TRIM36: variants seen among roughly 807,000 people sequenced by gnomAD.
TRIM36 encodes E3 ubiquitin-protein ligase TRIM36.
TRIM36 carries 42 observed loss-of-function variants against 72.4 expected under a neutral mutation model. That is an observed-to-expected ratio of 0.58 (90% CI 0.45 to 0.75). TRIM36 has a LOEUF of 0.75. TRIM36 is among the 30% of genes least tolerant of loss of function. The probability of loss-of-function intolerance (pLI) is 0.00; values close to 1 mark genes in which losing one functional copy is unlikely to be tolerated. For synonymous variants in TRIM36, 315 were observed against 282.8 expected (o/e 1.11, Z -1.14); for missense variants, 913 against 857.1 (o/e 1.07, Z -0.81).
intron 7 of TRIM36, among the ~76,000 whole-genome samples, chr5:115,136,315 C>G (rs1319283387): frequency 7.0e-6 from 1 of 143,526 alleles, no homozygotes; most frequent in Non-Finnish European, 1.5e-5. Context: ...CACAGAGGAC[C>G]ATGTGAAGAC....
intron 2 of TRIM36, among the ~76,000 whole-genome samples, chr5:115,152,447 T>A (rs1201803958): frequency 6.6e-6 from 1 of 152,190 alleles, no homozygotes; most frequent in African/African-American, 2.4e-5. Context: ...GAAAACATAT[T>A]TGGGGGAATA....
chr5:115,137,683 A>T, intron 5 of TRIM36, 67 bp from the exon 6 acceptor site: 2 of 1,467,984 alleles, frequency 1.4e-6, no homozygotes, highest in Non-Finnish European at 1.8e-6. Context: ...GCTAAACCCA[A>T]ATGGCTTTCC....
In TRIM36 at chr5:115,144,654, C is replaced by T; in HGVS notation, c.679G>A (p.Gly227Ser). Residue 227 changes from glycine (G) to serine (S), a missense_variant, in exon 4 of 10, where the codon GGT becomes AGT. Coordinates refer to ENST00000513154, the MANE Select transcript of TRIM36 (RefSeq NM_001300759.2). ...GTTACACGGTGGTTGGCATGATTAC[C>T]ACCCAACTTACACAGATGGCAAACT... ...RPVCHLCKLG[G>S]NHANHRVTTM... 1 of 1,614,096 alleles carries T rather than the reference C, an allele frequency of 6.2e-7. No homozygotes were observed. The highest frequency in any genetic ancestry group is 2.2e-5 in the East Asian group (1 of 44,854).
chr5:115,171,125 C>A, upstream of TRIM36: 7 of 1,614,246 alleles, frequency 4.3e-6, no homozygotes, highest in Non-Finnish European at 5.9e-6. Context: ...ATGCTTCCCA[C>A]TTTTATTTCC....
intron 4 of TRIM36, 85 bp downstream of exon 4, chr5:115,144,513 C>G: frequency 1.3e-6 from 2 of 1,529,422 alleles, no homozygotes; most frequent in East Asian, 2.3e-5. Flanking sequence ...GACCATATAA[C>G]ACACCATGAT....
intron 9 of TRIM36, among the ~76,000 whole-genome samples, chr5:115,128,260 T>A (rs1333260389): frequency 6.6e-6 from 1 of 151,120 alleles, no homozygotes; most frequent in African/African-American, 2.4e-5. Flanking sequence ...TCCCAGCTAG[T>A]CGGGAGGCTG....
Position 115,137,001 on chromosome 5 carries a change from A to G in TRIM36, c.1209T>C (p.Ser403=), listed in dbSNP as rs1752997312. The G allele has an allele frequency of 6.3e-7, 1 of 1,593,848 alleles. No homozygotes were observed. The highest frequency in any genetic ancestry group is 2.2e-5 in the East Asian group (1 of 44,620). ...GTTTTTGCCTTCATTAAGACTTACC[A>G]CTAGAGAAAAAGGATAATTCTCCAA... ...ELLGELSFFS[S]GIDVPEINEE... is the part of the protein sequence containing the mutation. Residue 403 remains serine (S), a splice_region_variant and synonymous_variant, in exon 7 of 10, where the codon AGT becomes AGC. Transcript: ENST00000513154.
intron 1 of TRIM36, 144 bp downstream of exon 1, chr5:115,169,464 G>A: frequency 2.2e-6 from 2 of 919,388 alleles, no homozygotes; most frequent in Non-Finnish European, 3.1e-6. Flanking sequence ...GGCGGGAGAA[G>A]GCGAAGAGGA....
chr5:115,157,410 A>G (rs1754233548), intron 2 of TRIM36, among the ~76,000 whole-genome samples: 1 of 152,122 alleles, frequency 6.6e-6, no homozygotes, highest in African/African-American at 2.4e-5. Flanking sequence ...GTAAAAATAG[A>G]AAAATTAGCC....
chr5:115,164,450 C>A (rs766608035), intron 1 of TRIM36, among the ~76,000 whole-genome samples: 6 of 152,162 alleles, frequency 3.9e-5, no homozygotes, highest in Non-Finnish European at 5.9e-5. Context: ...TTCCACATGG[C>A]TAGGGAGTCC....
chr5:115,139,242 T>C (rs1207899415), intron 5 of TRIM36, among the ~76,000 whole-genome samples: 6 of 151,916 alleles, frequency 3.9e-5, no homozygotes, highest in African/African-American at 1.5e-4. Context: ...TGCCTCAGCC[T>C]CCCGAGTAGC....
intron 2 of TRIM36, among the ~76,000 whole-genome samples, chr5:115,158,542 A>G (rs1385349997): frequency 6.6e-6 from 1 of 152,176 alleles, no homozygotes; most frequent in Non-Finnish European, 1.5e-5. Flanking sequence ...CTATCCCTGG[A>G]CAGTTCATGA....
chr5:115,143,407 G>A (rs904401413), intron 4 of TRIM36, among the ~76,000 whole-genome samples: 1 of 151,688 alleles, frequency 6.6e-6, no homozygotes, highest in African/African-American at 2.4e-5. Flanking sequence ...AAAGAAAATA[G>A]CATTTGTAGA....
intron 7 of TRIM36, 50 bp downstream of exon 7, chr5:115,136,950 A>T: frequency 2.0e-6 from 3 of 1,514,702 alleles, no homozygotes; most frequent in Non-Finnish European, 2.6e-6. Flanking sequence ...CTTCCACACA[A>T]TACAAATTCA....
At chr5:115,169,395 C>A (rs1754966214) in intron 1 of TRIM36, among the ~76,000 whole-genome samples, 1 of 152,248 alleles carries the variant, frequency 6.6e-6, no homozygotes, top group Non-Finnish European at 1.5e-5. Context: ...CCCAGGGGAC[C>A]CCACGTCCGG....
rs574596474 is a variant in TRIM36 at position 115,154,414 on chromosome 5, C to T, written c.263-7020G>A. Among the ~76,000 whole-genome samples the T allele has an allele frequency of 3.3e-5, 5 of 150,840 alleles. No homozygotes were observed. The East Asian group carries it at 7.7e-4, about 23-fold the overall frequency. ...TAAATCAAACAAAAAGCTGATTCTT[C>T]GAAGATTAATAAAATTGATACACCA... is the stretch of plus-strand genomic sequence containing the variant. On this transcript the variant is annotated intron_variant, in intron 2 of 9. Transcript: ENST00000513154.
At chr5:115,160,867 A>G (rs1754445584) in intron 2 of TRIM36, among the ~76,000 whole-genome samples, 1 of 152,208 alleles carries the variant, frequency 6.6e-6, no homozygotes, top group Non-Finnish European at 1.5e-5. Context: ...TGTCTAAAGG[A>G]TAAAAACTTA....
intron 2 of TRIM36, among the ~76,000 whole-genome samples, chr5:115,157,408 A>T (rs1394659446): frequency 6.6e-6 from 1 of 152,134 alleles, no homozygotes; most frequent in East Asian, 1.9e-4. Context: ...TAGTAAAAAT[A>T]GAAAAATTAG....
chr5:115,164,992 G>A (rs1754684592), intron 1 of TRIM36, among the ~76,000 whole-genome samples: 1 of 152,200 alleles, frequency 6.6e-6, no homozygotes, highest in South Asian at 2.1e-4. Context: ...AAACCCAAAA[G>A]GACAGTTATT....
Sources: gnomAD v4.1 joint callset for allele counts (sites outside exome capture counted in the v4.1 genomes callset) on GRCh38, gnomAD v4.1.1 for gene constraint, MANE v1.5 for transcripts, NCBI Gene and HGNC (gene_info 2026-07-23, HGNC 2026-07-21) for gene names.